UBXN7: variants seen among roughly 807,000 people sequenced by gnomAD.
UBXN7 encodes UBX domain protein 7, also known as UBX domain-containing protein 7.
A neutral mutation model predicts 58.0 loss-of-function variants in UBXN7; 9 were observed. That is an observed-to-expected ratio of 0.16 (90% CI 0.09 to 0.27). UBXN7 has a LOEUF of 0.27. Ranked by LOEUF, UBXN7 falls within the 10% of genes least tolerant of loss-of-function variation. The probability of loss-of-function intolerance (pLI) is 1.00; values close to 1 mark genes in which losing one functional copy is unlikely to be tolerated. For missense variants in UBXN7, 328 were observed against 599.6 expected (o/e 0.55, Z 4.73); for synonymous variants, 208 against 205.0 (o/e 1.01, Z -0.12).
In UBXN7 at chr3:196,401,298, T is replaced by TATACACAC. The variant is rs1269101481; in HGVS notation, c.289+1653_289+1654insGTGTGTAT. 1.1e-3 allele frequency among the ~76,000 whole-genome samples: 66 copies of TATACACAC among 61,670 alleles called. 2 individuals are homozygous for TATACACAC. Among genetic ancestry groups the TATACACAC allele is most frequent in the African/African-American group, 5.4e-3 (62 of 11,564 alleles). The allele number at this position is 61,670 out of a possible 152,430, so 40.5% of individuals were successfully genotyped here. ...AAATATATATATATATATATATATA[T>TATACACAC]ACACACACACACACACACACACATA... On this transcript the variant is annotated intron_variant, in intron 3 of 10. Transcript: ENST00000296328.
At chr3:196,415,037 A>C (rs1730437729) in intron 1 of UBXN7, among the ~76,000 whole-genome samples, 1 of 152,126 alleles carries the variant, frequency 6.6e-6, no homozygotes, top group Admixed American at 6.6e-5. Flanking sequence ...TTTGATAAAC[A>C]ATTTCAAGAC....
rs1728314417 is a variant in UBXN7 at position 196,355,279 on chromosome 3, C to A, written c.*1406G>T. On this transcript the variant is annotated 3_prime_UTR_variant, in exon 11 of 11. Coordinates refer to ENST00000296328, the MANE Select transcript of UBXN7 (RefSeq NM_015562.2). ...GTTTTGCCACCAGAATCACGACTAC[C>A]CCCCCTTCAGAGGACTCCATTTAAG... 1 of 152,074 alleles carries A rather than the reference C, an allele frequency of 6.6e-6. No individual in the cohort carries two copies. The highest frequency in any genetic ancestry group is 2.4e-5 in the African/African-American group (1 of 41,412). 9.4% of individuals were successfully genotyped at this position (152,074 alleles called of 1,614,324 possible).
chr3:196,407,906 T>A (rs939338312), intron 1 of UBXN7, among the ~76,000 whole-genome samples: 1 of 151,920 alleles, frequency 6.6e-6, no homozygotes, highest in Non-Finnish European at 1.5e-5. Context: ...GAGACCAGCC[T>A]AACCAACGTG....
At chr3:196,392,999 G>T (rs1014273958) in intron 4 of UBXN7, among the ~76,000 whole-genome samples, 8 of 151,980 alleles carry the variant, frequency 5.3e-5, no homozygotes, top group African/African-American at 1.7e-4. Context: ...ATCAAGCATG[G>T]TCCAAGGGTT....
chr3:196,432,142 G>A (rs1453969344), intron 1 of UBXN7, 185 bp downstream of exon 1: 2 of 777,134 alleles, frequency 2.6e-6, no homozygotes, highest in East Asian at 2.7e-5. Context: ...TCGGGAGCGG[G>A]GGGGGGCTGT....
At chr3:196,394,744 T>C (rs980286751) in intron 3 of UBXN7, among the ~76,000 whole-genome samples, 1 of 152,052 alleles carries the variant, frequency 6.6e-6, no homozygotes, top group East Asian at 1.9e-4. Context: ...TTGTATAGAG[T>C]AACTCTACAT....
chr3:196,403,610 T>A (rs1338442391), intron 2 of UBXN7, among the ~76,000 whole-genome samples: 1 of 151,656 alleles, frequency 6.6e-6, no homozygotes, highest in Non-Finnish European at 1.5e-5. Context: ...AAGAAAAAAA[T>A]TTTCCCCCAA....
chr3:196,357,928 A>T (rs1277245001), intron 10 of UBXN7, among the ~76,000 whole-genome samples: 4 of 152,030 alleles, frequency 2.6e-5, no homozygotes, highest in Non-Finnish European at 5.9e-5. Context: ...AGCTACCGGG[A>T]AGGTCAAGGT....
intron 3 of UBXN7, among the ~76,000 whole-genome samples, chr3:196,396,396 T>TA (rs79527660): frequency 2.2e-3 from 306 of 141,952 alleles, no homozygotes; most frequent in Middle Eastern, 0.014. Flanking sequence ...CCCTGTCTCT[T>TA]AAAAAAAAAA....
chr3:196,413,199 G>A (rs1325740437), intron 1 of UBXN7, among the ~76,000 whole-genome samples: 2 of 152,042 alleles, frequency 1.3e-5, no homozygotes, highest in African/African-American at 2.4e-5. Flanking sequence ...TTAGCCAGGT[G>A]TGGTGGTGGG....
chr3:196,432,285 T>C, intron 1 of UBXN7, 42 bp downstream of exon 1: 1 of 1,611,324 alleles, frequency 6.2e-7, no homozygotes, highest in Non-Finnish European at 8.5e-7. Flanking sequence ...CGCTGCCCGC[T>C]CCGGACCCCA....
At chr3:196,409,913 C>T (rs1412105225) in intron 1 of UBXN7, among the ~76,000 whole-genome samples, 1 of 151,256 alleles carries the variant, frequency 6.6e-6, no homozygotes, top group African/African-American at 2.4e-5. Flanking sequence ...TAGCCTGGTG[C>T]TAACCAATAA....
chr3:196,409,620 T>C (rs1730262214), intron 1 of UBXN7, among the ~76,000 whole-genome samples: 1 of 152,174 alleles, frequency 6.6e-6, no homozygotes, highest in Admixed American at 6.6e-5. Context: ...TTGGAGGTTT[T>C]TCAAGACCAC....
At chr3:196,376,380 T>C (rs1258081899) in intron 5 of UBXN7, among the ~76,000 whole-genome samples, 6 of 151,710 alleles carry the variant, frequency 4.0e-5, no homozygotes, top group African/African-American at 1.5e-4. Context: ...ACCTCGTCTC[T>C]ACTAAAATTT....
At chr3:196,405,449 GAC>G (rs1284170515) in intron 2 of UBXN7, among the ~76,000 whole-genome samples, 1 of 141,458 alleles carries the variant, frequency 7.1e-6, no homozygotes, top group East Asian at 2.0e-4. Context: ...CCAGCCTGGC[GAC>G]ACAGAGAGAC....
intron 5 of UBXN7, among the ~76,000 whole-genome samples, chr3:196,388,217 C>T (rs1729469319): frequency 6.6e-6 from 1 of 150,794 alleles, no homozygotes; most frequent in Admixed American, 6.7e-5. Flanking sequence ...ACCACATGAT[C>T]TCACTCACAG....
At chr3:196,378,149 T>C (rs1424423694) in intron 5 of UBXN7, among the ~76,000 whole-genome samples, 1 of 152,240 alleles carries the variant, frequency 6.6e-6, no homozygotes, top group African/African-American at 2.4e-5. Flanking sequence ...TTATAAACGC[T>C]ACAATGGCAA....
At chr3:196,370,237 G>C (rs1235912602) in intron 6 of UBXN7, among the ~76,000 whole-genome samples, 1 of 151,494 alleles carries the variant, frequency 6.6e-6, no homozygotes, top group African/African-American at 2.4e-5. Flanking sequence ...AGGAGTTTGA[G>C]ACCAGCCTGG....
At position 196,350,849 on chromosome 3, in the gene UBXN7, T is replaced by C. The variant is rs879312751; in HGVS notation, c.*5836A>G. The C allele has an allele frequency of 6.6e-6, 1 of 152,214 alleles. No individual in the cohort carries two copies. Among genetic ancestry groups the C allele is most frequent in the Non-Finnish European group, 1.5e-5 (1 of 68,040 alleles). The allele number at this position is 152,214 out of a possible 1,614,324, so 9.4% of individuals were successfully genotyped here. ...CTAAAATGTGTACAGTGCAACACCA[T>C]GTTTCACGGCAAGACAATAACTGAA... On this transcript the variant is annotated 3_prime_UTR_variant, in exon 11 of 11. Coordinates refer to ENST00000296328, the MANE Select transcript of UBXN7 (RefSeq NM_015562.2).
Sources: allele counts gnomAD v4.1 joint callset (sites outside exome capture counted in the v4.1 genomes callset), GRCh38; gene constraint gnomAD v4.1.1; transcripts MANE v1.5; gene names NCBI Gene and HGNC (gene_info 2026-07-23, HGNC 2026-07-21).